UBE4B: variants seen among roughly 807,000 people sequenced by gnomAD.
UBE4B encodes the protein ubiquitin conjugation factor E4 B.
Under a neutral mutation model 148.1 loss-of-function variants are expected in UBE4B, and 27 were observed. That is an observed-to-expected ratio of 0.18 (90% CI 0.13 to 0.25). The LOEUF is 0.25. Ranked by LOEUF, UBE4B falls within the 10% of genes least tolerant of loss-of-function variation. The probability of loss-of-function intolerance (pLI) is 1.00; values close to 1 mark genes in which losing one functional copy is unlikely to be tolerated. For missense variants in UBE4B, 1,170 were observed against 1,662.4 expected, an observed-to-expected ratio of 0.70 and a Z score of 5.15; for synonymous variants, 596 against 619.3, an observed-to-expected ratio of 0.96 and a Z score of 0.56.
intron 17 of UBE4B, among the ~76,000 whole-genome samples, chr1:10,140,394 T>C (rs982000889): frequency 2.0e-5 from 3 of 152,258 alleles, no homozygotes; most frequent in Non-Finnish European, 2.9e-5. Flanking sequence ...TTAGTAGACC[T>C]GAAAAGACTG....
chr1:10,048,964 T>A (rs1643971874), intron 1 of UBE4B, among the ~76,000 whole-genome samples: 1 of 152,210 alleles, frequency 6.6e-6, no homozygotes, highest in African/African-American at 2.4e-5. Context: ...ACTCTGTTTC[T>A]CTCTCTTTCC....
At position 10,135,180 on chromosome 1, in the gene UBE4B, G is replaced by A. The variant is rs772492315; in HGVS notation, c.2218G>A (p.Glu740Lys). Residue 740 changes from glutamate (E) to lysine (K), a missense_variant, in exon 16 of 28, where the codon GAA (glutamate) becomes AAA (lysine). Glu to Lys is a moderately conservative substitution (Grantham distance 56). Coordinates refer to ENST00000343090, the MANE Select transcript of UBE4B (RefSeq NM_001105562.3). The part of the protein sequence containing the change: ...TMEDVNDWLT[E>K]LYGDQPPFSE... ...GGAAGATGTGAATGACTGGCTGACT[G>A]AACTCTGTGAGTACTGTGTTCGTGA... 4.3e-6 allele frequency: 7 copies of A among 1,612,842 alleles called. No individual in the cohort carries two copies. The East Asian group carries it at 1.6e-4, about 36-fold the overall frequency.
chr1:10,161,808 T>C lies in UBE4B; in HGVS notation c.3198+522T>C, dbSNP rs1646164673. On this transcript the variant is annotated intron_variant, in intron 23 of 27. Coordinates refer to ENST00000343090, the MANE Select transcript of UBE4B (RefSeq NM_001105562.3). This position sits in a 1 kb window ranked among gnomAD's most constrained non-coding sequence, Gnocchi z 4.1. ...ACGTGCCGTGCCAGTACCAGTGCTCTTTCCTGACGTGCGTAGCAGCCACTG... is the reference window on the plus strand; with the variant it reads ...ACGTGCCGTGCCAGTACCAGTGCTCCTTCCTGACGTGCGTAGCAGCCACTG... Among the ~76,000 whole-genome samples the C allele has an allele frequency of 6.6e-6, 1 of 152,178 alleles. No homozygotes were observed. The highest frequency in any genetic ancestry group is 1.9e-4 in the East Asian group (1 of 5,190).
intron 25 of UBE4B, among the ~76,000 whole-genome samples, chr1:10,175,477 C>G (rs866185845): frequency 3.4e-5 from 5 of 148,084 alleles, no homozygotes; most frequent in Admixed American, 1.3e-4. Context: ...CGGTGAAACC[C>G]CATCTCTACT....
intron 7 of UBE4B, among the ~76,000 whole-genome samples, chr1:10,114,915 C>T (rs553271278): frequency 2.6e-5 from 4 of 152,184 alleles, no homozygotes; most frequent in African/African-American, 4.8e-5. Context: ...GGATCCCACA[C>T]GGACCTGCCC....
chr1:10,119,498 A>C lies in UBE4B; in HGVS notation c.1339-15A>C, dbSNP rs1570927375. On this transcript the variant is annotated splice_polypyrimidine_tract_variant and intron_variant, in intron 8 of 27. Transcript: ENST00000343090. ...TTTGTTTCTTGTCGTCCTCACTTCC[A>C]CCTTTCCTTTTCAGATGTGCAGCCA... 1 of 1,612,832 alleles carries C rather than the reference A, an allele frequency of 6.2e-7. No homozygotes were observed. Among genetic ancestry groups the C allele is most frequent in the Non-Finnish European group, 8.5e-7 (1 of 1,179,188 alleles).
At chr1:10,033,763 T>C in intron 1 of UBE4B, 69 bp downstream of exon 1, 1 of 1,453,272 alleles carries the variant, frequency 6.9e-7, no homozygotes, top group South Asian at 1.4e-5. Flanking sequence ...AGGGATGGTA[T>C]TGCGCCAGTG....
intron 24 of UBE4B, among the ~76,000 whole-genome samples, chr1:10,170,442 C>T (rs1035500437): frequency 3.3e-5 from 5 of 152,202 alleles, no homozygotes; most frequent in African/African-American, 1.2e-4. Context: ...CTTTTATGGC[C>T]AGTGTTTAAT....
At chr1:10,171,553 GATTGCACC>G (rs1553155460) in intron 25 of UBE4B, among the ~76,000 whole-genome samples, 1 of 152,230 alleles carries the variant, frequency 6.6e-6, no homozygotes, top group Non-Finnish European at 1.5e-5. Flanking sequence ...AGTGAGCCGT[GATTGCACC>G]ACCACACTCC....
Position 10,033,089 on chromosome 1 carries a change from C to T in UBE4B, c.-582C>T, listed in dbSNP as rs1643358715. On this transcript the variant is annotated 5_prime_UTR_variant, in exon 1 of 28. Transcript: ENST00000343090. ...CTACGCGCATCCCATCCTCCCCCTC[C>T]CCCCTACCCGGGCTCCGGCGTGGAG... is the stretch of plus-strand genomic sequence containing the variant. 1 of 152,572 alleles carries T rather than the reference C, an allele frequency of 6.6e-6. No homozygotes were observed. Among genetic ancestry groups the T allele is most frequent in the Non-Finnish European group, 1.5e-5 (1 of 68,312 alleles). 9.5% of individuals were successfully genotyped at this position (152,572 alleles called of 1,614,324 possible).
intron 2 of UBE4B, chr1:10,072,612 A>G (rs907057636): frequency 9.1e-6 from 6 of 660,636 alleles, no homozygotes; most frequent in African/African-American, 3.7e-5. Context: ...CCTCGTCTTC[A>G]TTCTGCATTG....
Position 10,168,321 on chromosome 1 carries a change from CT to C in UBE4B, c.3333+52del, listed in dbSNP as rs1410815478. 18 of 1,597,504 alleles carry C rather than the reference CT, an allele frequency of 1.1e-5. No homozygotes were observed. Among genetic ancestry groups the C allele is most frequent in the East Asian group, 6.8e-5 (3 of 44,220 alleles). Reference sequence around the variant, plus strand: ...TGGTGGTTTGGACTCCACATTCAGACTCTCTCACTTATAACTTTAGCAGTTG... The same window carrying C: ...TGGTGGTTTGGACTCCACATTCAGACCTCTCACTTATAACTTTAGCAGTTG... On this transcript the variant is annotated intron_variant, in intron 24 of 27. Transcript: ENST00000343090. The surrounding 1 kb of genome is among the most constrained non-coding windows in gnomAD (Gnocchi z 4.9).
At position 10,144,746 on chromosome 1, in the gene UBE4B, A is replaced by AAAAG. The variant is rs1553151503; in HGVS notation, c.2364-178_2364-175dup. On this transcript the variant is annotated intron_variant, in intron 17 of 27. Transcript: ENST00000343090. Reference sequence around the variant, plus strand: ...GAGACTCTGTCTTAAAAAAAAAAAAAAAAGAAAGAAAGAAAGAAAAATGCT... The same window carrying AAAAG: ...GAGACTCTGTCTTAAAAAAAAAAAAAAAAGAAAGAAAGAAAGAAAGAAAAATGCT... Among the ~76,000 whole-genome samples, 32 of 146,606 alleles carry AAAAG rather than the reference A, an allele frequency of 2.2e-4. 1 individual carries two copies. The highest frequency in any genetic ancestry group is 1.6e-3 in the Admixed American group (24 of 14,814).
At chr1:10,134,942 A>AT (rs1645653457) in intron 15 of UBE4B, 46 bp from the exon 16 acceptor site, 5 of 1,573,770 alleles carry the variant, frequency 3.2e-6, no homozygotes, top group East Asian at 2.3e-5. Flanking sequence ...CTCAAAAAAA[A>AT]TTTTTTTTAA....
intron 21 of UBE4B, among the ~76,000 whole-genome samples, chr1:10,157,063 T>A (rs1177234139): frequency 1.3e-5 from 2 of 152,198 alleles, no homozygotes; most frequent in Non-Finnish European, 2.9e-5. Flanking sequence ...TCGCCCAGGC[T>A]GGAGTGCAGT....
intron 10 of UBE4B, among the ~76,000 whole-genome samples, chr1:10,126,106 G>A (rs1435425452): frequency 5.3e-5 from 8 of 152,048 alleles, no homozygotes; most frequent in African/African-American, 1.2e-4. Context: ...CGAAACCAGC[G>A]TGGCCAACAA....
intron 15 of UBE4B, among the ~76,000 whole-genome samples, chr1:10,134,404 C>T (rs568058642): frequency 6.6e-6 from 1 of 151,502 alleles, no homozygotes; most frequent in African/African-American, 2.4e-5. Context: ...CCCAGCTACT[C>T]GGGAGGCTGA....
At chr1:10,117,334 C>T (rs747792086) in intron 7 of UBE4B, 125 bp from the exon 8 acceptor site, 186 of 1,229,886 alleles carry the variant, frequency 1.5e-4, no homozygotes, top group Middle Eastern at 2.0e-4. Context: ...GGATCTTGGC[C>T]GCATGGGTGT....
At chr1:10,096,245 A>G (rs538769987) in intron 3 of UBE4B, among the ~76,000 whole-genome samples, 1 of 152,184 alleles carries the variant, frequency 6.6e-6, no homozygotes, top group Non-Finnish European at 1.5e-5. Flanking sequence ...AGCCAAATAA[A>G]TACCCTATTT....
Sources: allele counts gnomAD v4.1 joint callset (sites outside exome capture counted in the v4.1 genomes callset), GRCh38; gene constraint gnomAD v4.1.1; non-coding constraint Gnocchi (gnomAD v3.1); transcripts MANE v1.5; gene names NCBI Gene and HGNC (gene_info 2026-07-23, HGNC 2026-07-21).